Variants in TTLL5 observed in about 807,000 individuals in gnomAD.
The protein encoded by TTLL5 is tubulin tyrosine ligase like 5.
In TTLL5, 132 loss-of-function variants were observed where a neutral mutation model predicts 168.4. The observed-to-expected ratio is 0.78, with a 90% CI of 0.68 to 0.91. TTLL5 has a LOEUF of 0.91. TTLL5 is among the 40% of genes least tolerant of loss of function. The pLI is 0.00. For missense variants in TTLL5, 1,545 were observed against 1,581.5 expected (o/e 0.98, Z 0.39); for synonymous variants, 546 against 558.6 (o/e 0.98, Z 0.32).
chr14:75,932,798 C>G (rs2034317324), intron 31 of TTLL5, among the ~76,000 whole-genome samples: 1 of 152,164 alleles, frequency 6.6e-6, no homozygotes, highest in African/African-American at 2.4e-5. Context: ...TTGCTATGCA[C>G]TCAAAATAGT....
intron 29 of TTLL5, among the ~76,000 whole-genome samples, chr14:75,875,650 A>T (rs2031429599): frequency 6.6e-6 from 1 of 152,232 alleles, no homozygotes. Context: ...TTGGTGAAGT[A>T]TAATAAACCA....
intron 9 of TTLL5, chr14:75,712,019 G>C (rs1887116019): frequency 6.6e-6 from 1 of 152,326 alleles, no homozygotes; most frequent in African/African-American, 2.4e-5. Context: ...CTCCCTGGCA[G>C]GCCCTTGCTG....
intron 28 of TTLL5, among the ~76,000 whole-genome samples, chr14:75,852,303 C>G (rs1896902433): frequency 6.6e-6 from 1 of 152,198 alleles, no homozygotes; most frequent in Non-Finnish European, 1.5e-5. Context: ...TCCCAGCACC[C>G]AAAACCTTTT....
chr14:75,785,149 C>T (rs569842685), intron 26 of TTLL5, among the ~76,000 whole-genome samples: 2 of 147,866 alleles, frequency 1.4e-5, no homozygotes, highest in Admixed American at 6.7e-5. Flanking sequence ...ATACTGTTGC[C>T]TAATCAAGTG....
chr14:75,850,619 C>A (rs993505668), intron 28 of TTLL5, among the ~76,000 whole-genome samples: 1 of 151,912 alleles, frequency 6.6e-6, no homozygotes, highest in Non-Finnish European at 1.5e-5. Context: ...TCTAAGATAA[C>A]ATGAAGTAGG....
At chr14:75,917,809 G>A (rs1263965374) in intron 31 of TTLL5, among the ~76,000 whole-genome samples, 1 of 152,216 alleles carries the variant, frequency 6.6e-6, no homozygotes, top group African/African-American at 2.4e-5. Flanking sequence ...GGAGGTAGGA[G>A]GTGGGGGAAA....
intron 15 of TTLL5, among the ~76,000 whole-genome samples, chr14:75,739,404 TA>T (rs941930369): frequency 1.3e-4 from 19 of 149,276 alleles, no homozygotes; most frequent in Middle Eastern, 3.4e-3. Context: ...TGGAGCTAAG[TA>T]AAAAAAAAAA....
chr14:75,950,599 A>G (rs1011564364), intron 31 of TTLL5, among the ~76,000 whole-genome samples: 4 of 152,260 alleles, frequency 2.6e-5, no homozygotes, highest in Non-Finnish European at 4.4e-5. Flanking sequence ...TCATTATCAA[A>G]GCTAGATGAT....
chr14:75,787,807 A>G (rs996614837), intron 26 of TTLL5, among the ~76,000 whole-genome samples: 7 of 152,232 alleles, frequency 4.6e-5, no homozygotes, highest in African/African-American at 1.4e-4. Context: ...CTTTGTCCAC[A>G]TTGCAATTAA....
At chr14:75,840,784 G>A (rs1210782026) in intron 28 of TTLL5, among the ~76,000 whole-genome samples, 2 of 152,138 alleles carry the variant, frequency 1.3e-5, no homozygotes, top group Non-Finnish European at 2.9e-5. Flanking sequence ...CAACTTTCTT[G>A]TAACTGCTTT....
At chr14:75,911,176 C>T (rs2033369133) in intron 31 of TTLL5, among the ~76,000 whole-genome samples, 1 of 152,092 alleles carries the variant, frequency 6.6e-6, no homozygotes, top group Non-Finnish European at 1.5e-5. Flanking sequence ...TACCGGCATG[C>T]GCCACCATGC....
chr14:75,837,286 C>G (rs1895919443), intron 28 of TTLL5: 1 of 152,230 alleles, frequency 6.6e-6, no homozygotes, highest in Non-Finnish European at 1.5e-5. Context: ...TGGCTGCTTA[C>G]ATGACCTCAT....
intron 29 of TTLL5, among the ~76,000 whole-genome samples, chr14:75,866,931 A>C (rs574478146): frequency 1.2e-3 from 188 of 152,354 alleles, no homozygotes; most frequent in African/African-American, 4.4e-3. Context: ...ACTTGGCGTG[A>C]TCCAGTCCAT....
At chr14:75,914,169 C>G (rs543766865) in intron 31 of TTLL5, among the ~76,000 whole-genome samples, 54 of 150,346 alleles carry the variant, frequency 3.6e-4, no homozygotes, top group African/African-American at 1.3e-3. Context: ...TAAAAAATTC[C>G]TAGAGACCTA....
intron 28 of TTLL5, among the ~76,000 whole-genome samples, chr14:75,860,724 C>T (rs1383189218): frequency 6.6e-6 from 1 of 152,102 alleles, no homozygotes; most frequent in Non-Finnish European, 1.5e-5. Context: ...ACCTAGATAC[C>T]TTTCTTGGTG....
intron 26 of TTLL5, among the ~76,000 whole-genome samples, chr14:75,791,233 A>G (rs1179098149): frequency 1.3e-5 from 2 of 152,086 alleles, no homozygotes; most frequent in Non-Finnish European, 2.9e-5. Flanking sequence ...GTGCCAGCAG[A>G]TGTATGCAAG....
chr14:75,764,652 A>G lies in TTLL5; in HGVS notation c.1588A>G (p.Ser530Gly), dbSNP rs1399561968. 6 of 1,614,004 alleles carry G rather than the reference A, an allele frequency of 3.7e-6. No homozygotes were observed. The highest frequency in any genetic ancestry group is 5.1e-6 in the Non-Finnish European group (6 of 1,179,986). Residue 530 changes from serine (S) to glycine (G), a missense_variant, in exon 19 of 32, where the codon AGT becomes GGT. Physicochemically the swap from Ser to Gly is moderately conservative, Grantham distance 56 (BLOSUM62 0). Coordinates refer to ENST00000298832, the MANE Select transcript of TTLL5 (RefSeq NM_015072.5). ...ADGAPELKIE[S>G]LNSKAKLHAA... ...TGGAGCGCCAGAATTGAAGATAGAG[A>G]GTCTGAATTCAAAGGCCAAGCTGCA...
Position 75,924,964 on chromosome 14 carries a change from G to A in TTLL5, c.3823+22740G>A, listed in dbSNP as rs1216772334. 4.9e-5 allele frequency among the ~76,000 whole-genome samples: 7 copies of A among 142,878 alleles called. 1 individual carries two copies. The highest frequency in any genetic ancestry group is 6.1e-5 in the Non-Finnish European group (4 of 65,438). The allele number at this position is 142,878 out of a possible 152,430, so 93.7% of individuals were successfully genotyped here. On this transcript the variant is annotated intron_variant, in intron 31 of 31. Coordinates refer to ENST00000298832, the MANE Select transcript of TTLL5 (RefSeq NM_015072.5). ...GGGGCGGCTGGCCAGGCGGAGGGCC[G>A]ACCCCCCCACCTCACTCCCGGACGG...
chr14:75,683,781 T>TC, intron 5 of TTLL5, 125 bp downstream of exon 5: 1 of 769,018 alleles, frequency 1.3e-6, no homozygotes. Context: ...AAGGACTTTT[T>TC]TTTTTTTTTT....
Sources: gnomAD v4.1 joint callset for allele counts (sites outside exome capture counted in the v4.1 genomes callset) on GRCh38, gnomAD v4.1.1 for gene constraint, MANE v1.5 for transcripts, NCBI Gene and HGNC (gene_info 2026-07-23, HGNC 2026-07-21) for gene names.